VPS37B: variants seen among roughly 807,000 people sequenced by gnomAD.
The protein encoded by VPS37B is VPS37B subunit of ESCRT-I.
Under a neutral mutation model 21.2 loss-of-function variants are expected in VPS37B, and 11 were observed. The observed-to-expected ratio is 0.52, with a 90% CI of 0.33 to 0.86. VPS37B has a LOEUF of 0.86. Among genes scored for constraint, VPS37B ranks in the 40% least tolerant of loss-of-function variants. The pLI is 0.03. For missense variants in VPS37B, 389 were observed against 374.8 expected, an observed-to-expected ratio of 1.04 and a Z score of -0.31; for synonymous variants, 175 against 159.6, an observed-to-expected ratio of 1.10 and a Z score of -0.73.
intron 2 of VPS37B, 139 bp downstream of exon 2, chr12:122,870,751 A>G (rs548207190): frequency 2.3e-5 from 19 of 821,042 alleles, no homozygotes; most frequent in Admixed American, 2.2e-4. Flanking sequence ...AATATACATA[A>G]GCTATTTGTT....
chr12:122,892,516 A>G (rs1456771793), intron 1 of VPS37B, among the ~76,000 whole-genome samples: 2 of 152,204 alleles, frequency 1.3e-5, no homozygotes, highest in African/African-American at 4.8e-5. Flanking sequence ...AAAAAAAAAA[A>G]AAGAAATCCT....
In VPS37B at chr12:122,896,069, G is replaced by T; in HGVS notation, c.-7C>A. On this transcript the variant is annotated 5_prime_UTR_variant, in exon 1 of 4. Transcript: ENST00000267202. ...CGCTCCCGGCGCCCGCCATCCCCACGTCTCGGCCGTCGTCGCCACCGCCGC... is the reference window on the plus strand; with the variant it reads ...CGCTCCCGGCGCCCGCCATCCCCACTTCTCGGCCGTCGTCGCCACCGCCGC... The T allele has an allele frequency of 6.4e-7, 1 of 1,566,530 alleles. No individual in the cohort carries two copies.
At chr12:122,895,851 C>G in intron 1 of VPS37B, 101 bp downstream of exon 1, 1 of 1,078,066 alleles carries the variant, frequency 9.3e-7, no homozygotes, top group Non-Finnish European at 1.4e-6. Context: ...CCCCTCAACA[C>G]GACCGGAGGC....
chr12:122,895,633 T>C (rs2034480961), intron 1 of VPS37B, among the ~76,000 whole-genome samples: 1 of 151,876 alleles, frequency 6.6e-6, no homozygotes, highest in East Asian at 1.9e-4. Flanking sequence ...AGACCCAGCC[T>C]TAAGTCCTCA....
At chr12:122,872,290 G>A in intron 1 of VPS37B, 1 of 985,448 alleles carries the variant, frequency 1.0e-6, no homozygotes, top group Non-Finnish European at 1.2e-6. Context: ...GCCTCAATCA[G>A]GAGATCCCTA....
intron 1 of VPS37B, among the ~76,000 whole-genome samples, chr12:122,895,406 C>G (rs2034477167): frequency 6.6e-6 from 1 of 150,512 alleles, no homozygotes; most frequent in Non-Finnish European, 1.5e-5. Flanking sequence ...AAGGAAACCC[C>G]CCAACCTCTA....
rs759752608 is a variant in VPS37B at position 122,868,539 on chromosome 12, A to C, written c.307T>G (p.Leu103Val). ...TGAAGAAGTGCTAACAGGGTCTCCAAGGAAGCACTGCTAGACTGTCTGTCT... is the reference window on the plus strand; with the variant it reads ...TGAAGAAGTGCTAACAGGGTCTCCACGGAAGCACTGCTAGACTGTCTGTCT... ...KLDRQSSSAS[L>V]ETLLALLQAE... The change falls in exon 3 of 4, where the codon TTG (leucine) becomes GTG (valine). Residue 103 changes from leucine (L) to valine (V), a missense_variant. By Grantham distance (32) the Leu-to-Val change is conservative (BLOSUM62 1). Transcript: ENST00000267202. This position sits in a 1 kb window ranked among gnomAD's most constrained non-coding sequence, Gnocchi z 5.5. The C allele has an allele frequency of 6.2e-7, 1 of 1,613,880 alleles. No homozygotes were observed. Among genetic ancestry groups the C allele is most frequent in the Non-Finnish European group, 8.5e-7 (1 of 1,179,916 alleles).
intron 1 of VPS37B, chr12:122,885,396 T>C (rs976096531): frequency 6.6e-6 from 1 of 152,054 alleles, no homozygotes; most frequent in African/African-American, 2.4e-5. Context: ...AAATGACATA[T>C]CCACATGAAA....
chr12:122,867,159 G>A lies in VPS37B; in HGVS notation c.815C>T (p.Pro272Leu), dbSNP rs761476904. The change falls in exon 4 of 4, where the codon CCG becomes CTG. Residue 272 changes from proline to leucine, a missense_variant. Transcript: ENST00000267202. The surrounding 1 kb of genome is among the most constrained non-coding windows in gnomAD (Gnocchi z 5.5). ...CGGCTGGTGTGGAGGGAGCCGGGGC[G>A]GGGGTCTCTGAGGGAGAGGTGGCGG... ...PYPPPLPQRP[P>L]PRLPPHQPGF... is the part of the protein sequence containing the mutation. 32 of 1,552,614 alleles carry A rather than the reference G, an allele frequency of 2.1e-5. No individual in the cohort carries two copies. The highest frequency in any genetic ancestry group is 1.9e-4 in the African/African-American group (14 of 72,662).
At chr12:122,870,665 G>A (rs1418213938) in intron 2 of VPS37B, 2 of 422,606 alleles carry the variant, frequency 4.7e-6, no homozygotes, top group East Asian at 4.6e-5. Flanking sequence ...GAGCCCAGGA[G>A]GTCGTGCTGA....
intron 1 of VPS37B, chr12:122,878,158 A>T (rs1566127972): frequency 6.6e-6 from 1 of 152,300 alleles, no homozygotes; most frequent in Non-Finnish European, 1.5e-5. Context: ...CAAGAGATCA[A>T]GACCACCCCG....
intron 1 of VPS37B, among the ~76,000 whole-genome samples, chr12:122,894,631 G>A (rs945012070): frequency 6.6e-6 from 1 of 152,204 alleles, no homozygotes; most frequent in African/African-American, 2.4e-5. Context: ...AGGAAGAGCT[G>A]GGATTAGCCT....
At chr12:122,889,101 G>A (rs2034372176) in intron 1 of VPS37B, 2 of 153,790 alleles carry the variant, frequency 1.3e-5, no homozygotes. Context: ...ACTGTGCTGG[G>A]TGCCAAGGAC....
At chr12:122,895,750 C>A (rs1425648315) in intron 1 of VPS37B, among the ~76,000 whole-genome samples, 1 of 151,788 alleles carries the variant, frequency 6.6e-6, no homozygotes, top group Non-Finnish European at 1.5e-5. Flanking sequence ...TGCCTCAAAC[C>A]CCCTCTCAGG....
In VPS37B at chr12:122,868,171, C is replaced by T. The variant is rs2033947074; in HGVS notation, c.366+309G>A. 6.6e-6 allele frequency among the ~76,000 whole-genome samples: 1 copy of T among 152,232 alleles called. No individual in the cohort carries two copies. Among genetic ancestry groups the T allele is most frequent in the Non-Finnish European group, 1.5e-5 (1 of 68,036 alleles). ...GTCCCAGAAGCTCTGTAGCCTCCTCCCAGCTGGCCCTTGAACGACGGCACG... is the reference window on the plus strand; with the variant it reads ...GTCCCAGAAGCTCTGTAGCCTCCTCTCAGCTGGCCCTTGAACGACGGCACG... On this transcript the variant is annotated intron_variant, in intron 3 of 3. Coordinates refer to ENST00000267202, the MANE Select transcript of VPS37B (RefSeq NM_024667.3). The surrounding 1 kb of genome is among the most constrained non-coding windows in gnomAD (Gnocchi z 5.5).
intron 1 of VPS37B, among the ~76,000 whole-genome samples, chr12:122,894,791 G>T (rs1358075597): frequency 6.6e-6 from 1 of 152,216 alleles, no homozygotes; most frequent in Non-Finnish European, 1.5e-5. Context: ...AGGTGTGAAG[G>T]AAGATAACCA....
chr12:122,885,784 C>A (rs1372637005), intron 1 of VPS37B: 1 of 147,930 alleles, frequency 6.8e-6, no homozygotes, highest in Non-Finnish European at 1.5e-5. Flanking sequence ...CCCGGGTTCA[C>A]GCCATTCTCC....
rs1235973768 is a variant in VPS37B, at chr12:122,867,532, G to C, written c.442C>G (p.Leu148Val). The part of the protein sequence containing the change: ...FIDVYQSKRK[L>V]AHMRRVKIEK... The stretch of plus-strand genomic sequence containing the variant: ...ATTTTCACCCGTCGCATGTGGGCCA[G>C]TTTCCGTTTGCTCTGATAGACATCA... The change falls in exon 4 of 4, where the codon CTG (leucine) becomes GTG (valine). Residue 148 changes from leucine to valine, a missense_variant. By Grantham distance (32) the Leu-to-Val change is conservative. Transcript: ENST00000267202. This position sits in a 1 kb window ranked among gnomAD's most constrained non-coding sequence, Gnocchi z 5.5. The C allele has an allele frequency of 2.5e-6, 4 of 1,614,088 alleles. No individual in the cohort carries two copies. In the African/African-American group the frequency reaches 4.0e-5, roughly 16 times the overall value.
chr12:122,872,385 T>C (rs2034056821), intron 1 of VPS37B: 13 of 985,490 alleles, frequency 1.3e-5, no homozygotes, highest in Non-Finnish European at 1.6e-5. Context: ...GATCAGGCTC[T>C]GCTGAAACCC....
Sources: gnomAD v4.1 joint callset for allele counts (sites outside exome capture counted in the v4.1 genomes callset) on GRCh38, gnomAD v4.1.1 for gene constraint, Gnocchi (gnomAD v3.1) non-coding constraint, MANE v1.5 for transcripts, NCBI Gene and HGNC (gene_info 2026-07-23, HGNC 2026-07-21) for gene names.